The following ARMC9 variants were observed in gnomAD, a reference collection of about 807,000 sequenced individuals.
The protein encoded by ARMC9 is armadillo repeat containing 9.
A neutral mutation model predicts 107.0 loss-of-function variants in ARMC9; 94 were observed. That is an observed-to-expected ratio of 0.88 (90% CI 0.74 to 1.04). The LOEUF (loss-of-function observed/expected upper bound fraction) is 1.04, where lower values mean the gene tolerates loss of function less well. Ranked by LOEUF, ARMC9 falls within the 50% of genes least tolerant of loss-of-function variation. The probability of loss-of-function intolerance (pLI) is 0.00; values close to 1 mark genes in which losing one functional copy is unlikely to be tolerated. For missense variants in ARMC9, 942 were observed against 1,030.1 expected, an observed-to-expected ratio of 0.91 and a Z score of 1.17; for synonymous variants, 380 against 396.9, an observed-to-expected ratio of 0.96 and a Z score of 0.51.
At position 231,235,957 on chromosome 2, in the gene ARMC9, A is replaced by T. The variant is rs533539547; in HGVS notation, c.780+576A>T. Among the ~76,000 whole-genome samples the T allele has an allele frequency of 2.0e-5, 3 of 152,000 alleles. No homozygotes were observed. The East Asian group carries it at 5.8e-4, about 29-fold the overall frequency. ...GCGCCTGGCCCTTTTTAAAAAATAT[A>T]TTTTTCAAATATTGAGACGGGGTCT... On this transcript the variant is annotated intron_variant, in intron 8 of 24. Coordinates refer to ENST00000611582, the MANE Select transcript of ARMC9 (RefSeq NM_001352754.2).
intron 19 of ARMC9, among the ~76,000 whole-genome samples, chr2:231,317,448 G>A (rs1341636827): frequency 6.6e-6 from 1 of 152,056 alleles, no homozygotes; most frequent in African/African-American, 2.4e-5. Context: ...TAGGATTACA[G>A]GTGTGAGCCA....
intron 20 of ARMC9, among the ~76,000 whole-genome samples, chr2:231,342,022 A>T: frequency 6.6e-6 from 1 of 152,212 alleles, no homozygotes; most frequent in East Asian, 1.9e-4. Flanking sequence ...CAGTATAAAC[A>T]GCTCTGTCTC....
At chr2:231,323,362 A>G (rs1034912812) in intron 19 of ARMC9, among the ~76,000 whole-genome samples, 3 of 152,186 alleles carry the variant, frequency 2.0e-5, no homozygotes, top group Non-Finnish European at 4.4e-5. Flanking sequence ...CTGATTGAGA[A>G]AGTGGAGCAA....
intron 22 of ARMC9, among the ~76,000 whole-genome samples, chr2:231,356,349 T>C (rs1485582645): frequency 6.6e-6 from 1 of 152,176 alleles, no homozygotes; most frequent in African/African-American, 2.4e-5. Context: ...CACAAACAAC[T>C]CTGGGATCCA....
At chr2:231,331,582 A>G (rs2043740146) in intron 19 of ARMC9, among the ~76,000 whole-genome samples, 4 of 152,170 alleles carry the variant, frequency 2.6e-5, no homozygotes, top group Admixed American at 2.6e-4. Flanking sequence ...TAGCTTCCTG[A>G]AGAGGCTGGT....
At chr2:231,331,675 A>G (rs2043746589) in intron 19 of ARMC9, 118 bp from the exon 20 acceptor site, 1 of 806,504 alleles carries the variant, frequency 1.2e-6, no homozygotes, top group Non-Finnish European at 2.0e-6. Flanking sequence ...TAAGCCTGCA[A>G]GTTGCTGTGA....
At chr2:231,363,804 G>A (rs185856846) in intron 23 of ARMC9, among the ~76,000 whole-genome samples, 362 of 140,442 alleles carry the variant, frequency 2.6e-3, no homozygotes, top group African/African-American at 8.7e-3. Context: ...AGAATCGCTT[G>A]AACTGGGAAG....
rs1218342003 is a variant in ARMC9, at chr2:231,355,876, C to T, written c.2073C>T (p.His691=). ...ACCCGCAGGCCCTGCCAGCCGCTCACGAGGCTGTCTACAGGGAGGGCAAGC... is the reference window on the plus strand; with the variant it reads ...ACCCGCAGGCCCTGCCAGCCGCTCATGAGGCTGTCTACAGGGAGGGCAAGC... ...NGHPQALPAA[H]EAVYREGKPS... The change falls in exon 22 of 25, where the codon CAC becomes CAT. Residue 691 remains histidine (H), a synonymous_variant. Transcript: ENST00000611582. The T allele has an allele frequency of 2.6e-6, 4 of 1,536,022 alleles. No homozygotes were observed. The highest frequency in any genetic ancestry group is 1.2e-5 in the South Asian group (1 of 84,066).
intron 14 of ARMC9, among the ~76,000 whole-genome samples, chr2:231,275,069 C>A (rs558694003): frequency 2.0e-5 from 3 of 152,108 alleles, no homozygotes; most frequent in Non-Finnish European, 4.4e-5. Flanking sequence ...TGTTTACTGC[C>A]TGTTTATCTT....
chr2:231,287,988 G>A (rs987682497), intron 17 of ARMC9, among the ~76,000 whole-genome samples: 24 of 152,260 alleles, frequency 1.6e-4, no homozygotes, highest in African/African-American at 4.1e-4. Flanking sequence ...GGCTGGCTTC[G>A]AATCGTGTTC....
chr2:231,316,685 A>G (rs1161244899), intron 19 of ARMC9, among the ~76,000 whole-genome samples: 1 of 151,992 alleles, frequency 6.6e-6, no homozygotes, highest in Non-Finnish European at 1.5e-5. Context: ...AAGAAAGAAA[A>G]AAAAAGAATT....
rs146524893 is a variant in ARMC9 at position 231,281,535 on chromosome 2, C to T, written c.1552-524C>T. On this transcript the variant is annotated intron_variant, in intron 16 of 24. Transcript: ENST00000611582. ...GAGATGGAGAGAGGGATGATTTGGC[C>T]CACGCTATAGAATGTTGGTAGTGAT... Among the ~76,000 whole-genome samples the T allele has an allele frequency of 4.7e-3, 722 of 152,108 alleles. 8 individuals carry two copies. Among genetic ancestry groups the T allele is most frequent in the African/African-American group, 0.017 (688 of 41,492 alleles).
chr2:231,344,882 ATAGAG>A, intron 20 of ARMC9, 88 bp from the exon 21 acceptor site: 1 of 1,178,994 alleles, frequency 8.5e-7, no homozygotes. Flanking sequence ...TCTTATCATT[ATAGAG>A]TAGTTTATTC....
At chr2:231,367,164 TA>T (rs2125598523) in intron 23 of ARMC9, among the ~76,000 whole-genome samples, 1 of 152,286 alleles carries the variant, frequency 6.6e-6, no homozygotes, top group Non-Finnish European at 1.5e-5. Flanking sequence ...AAACAAATTT[TA>T]AAAAATTATT....
chr2:231,209,162 A>G (rs1203089974), intron 3 of ARMC9, among the ~76,000 whole-genome samples: 1 of 152,090 alleles, frequency 6.6e-6, no homozygotes, highest in East Asian at 1.9e-4. Flanking sequence ...TTGGCCTCCC[A>G]AAAGTGCTGA....
chr2:231,361,327 G>A (rs375764150), intron 23 of ARMC9, among the ~76,000 whole-genome samples: 20 of 151,852 alleles, frequency 1.3e-4, no homozygotes, highest in East Asian at 3.9e-4. Context: ...AGGCTGGGGC[G>A]TGGTGGCGCA....
At chr2:231,262,453 T>G in intron 12 of ARMC9, 55 bp downstream of exon 12, 1 of 1,445,862 alleles carries the variant, frequency 6.9e-7, no homozygotes, top group Non-Finnish European at 9.7e-7. Flanking sequence ...TAGGGAATGA[T>G]CTTAGCAGAT....
chr2:231,348,589 C>T (rs1282236951), intron 21 of ARMC9, among the ~76,000 whole-genome samples: 1 of 152,146 alleles, frequency 6.6e-6, no homozygotes, highest in Non-Finnish European at 1.5e-5. Flanking sequence ...CAAATGGGAT[C>T]ACATCAAGTT....
intron 3 of ARMC9, among the ~76,000 whole-genome samples, chr2:231,211,073 A>G (rs1358176136): frequency 6.6e-6 from 1 of 152,180 alleles, no homozygotes; most frequent in Non-Finnish European, 1.5e-5. Context: ...GTTGCAATGT[A>G]TGACAAGATT....
Sources: allele counts gnomAD v4.1 joint callset (sites outside exome capture counted in the v4.1 genomes callset), GRCh38; gene constraint gnomAD v4.1.1; transcripts MANE v1.5; gene names NCBI Gene and HGNC (gene_info 2026-07-23, HGNC 2026-07-21).